The following SVIL variants were observed in gnomAD, a reference collection of about 807,000 sequenced individuals.
The protein encoded by SVIL is archvillin.
Under a neutral mutation model 240.4 loss-of-function variants are expected in SVIL, and 101 were observed. The observed-to-expected ratio is 0.42, with a 90% CI of 0.36 to 0.50. The LOEUF is 0.50. Among genes scored for constraint, SVIL ranks in the 20% least tolerant of loss-of-function variants. The pLI, the probability that SVIL is intolerant of heterozygous loss-of-function variation, is 0.01. For missense variants in SVIL, 2,512 were observed against 2,818.7 expected, an observed-to-expected ratio of 0.89 and a Z score of 2.46; for synonymous variants, 999 against 1,100.0, an observed-to-expected ratio of 0.91 and a Z score of 1.82.
intron 17 of SVIL, among the ~76,000 whole-genome samples, chr10:29,502,452 T>A (rs937952714): frequency 1.3e-5 from 2 of 152,172 alleles, no homozygotes; most frequent in African/African-American, 4.8e-5. Context: ...TAGAGAAGGA[T>A]GTTATATATA....
intron 1 of SVIL, among the ~76,000 whole-genome samples, chr10:29,607,184 A>T (rs562215045): frequency 2.6e-5 from 4 of 152,334 alleles, no homozygotes; most frequent in Non-Finnish European, 5.9e-5. Flanking sequence ...TTCTTCGTTG[A>T]CTTTAAATGA....
rs1421136154 is a variant in SVIL at position 29,546,751 on chromosome 10, A to G, written c.827+3846T>C. Among the ~76,000 whole-genome samples, 4 of 152,190 alleles carry G rather than the reference A, an allele frequency of 2.6e-5. 1 individual carries two copies. Among genetic ancestry groups the G allele is most frequent in the Non-Finnish European group, 5.9e-5 (4 of 68,012 alleles). ...TTTTGATGGTATATTCATGAGTGTC[A>G]TCGTATTCGTATTTAAATAATAAGA... On this transcript the variant is annotated intron_variant, in intron 6 of 37. Transcript: ENST00000355867.
chr10:29,554,581 A>G (rs952390513), intron 5 of SVIL, among the ~76,000 whole-genome samples: 4 of 152,162 alleles, frequency 2.6e-5, no homozygotes, highest in Admixed American at 2.0e-4. Flanking sequence ...GCTTGAGCCC[A>G]GGAGTTAAGG....
intron 30 of SVIL, among the ~76,000 whole-genome samples, chr10:29,471,983 C>T (rs1413853049): frequency 6.6e-6 from 1 of 152,102 alleles, no homozygotes; most frequent in Non-Finnish European, 1.5e-5. Context: ...GTGGTGCATG[C>T]CTGAAGTCCC....
chr10:29,601,226 C>T (rs1486538920), intron 1 of SVIL, among the ~76,000 whole-genome samples: 1 of 152,132 alleles, frequency 6.6e-6, no homozygotes, highest in East Asian at 1.9e-4. Context: ...TTTATTTATT[C>T]ACTTTGCTTT....
intron 1 of SVIL, among the ~76,000 whole-genome samples, chr10:29,618,528 T>C (rs1957510463): frequency 6.6e-6 from 1 of 152,150 alleles, no homozygotes. Context: ...CCACCATGCC[T>C]GGCCCAGCCT....
rs11007699 is a variant in SVIL, at chr10:29,692,265, G to A, written c.-399-5614C>T. On this transcript the variant is annotated intron_variant, in intron 1 of 35. Transcript: ENST00000375400. The stretch of plus-strand genomic sequence containing the variant: ...AGACTCACTAACAACCATATGAGAC[G>A]ATGTGATTTTCATGACAAAGCCGAT... 7.4e-3 allele frequency among the ~76,000 whole-genome samples: 1,132 copies of A among 152,234 alleles called. 11 individuals are homozygous for A. Among genetic ancestry groups the A allele is most frequent in the African/African-American group, 0.026 (1,073 of 41,534 alleles).
At chr10:29,697,538 A>G (rs1962183762) in intron 1 of SVIL, among the ~76,000 whole-genome samples, 1 of 96,130 alleles carries the variant, frequency 1.0e-5, no homozygotes, top group Non-Finnish European at 2.0e-5. Flanking sequence ...TGCTCTCTGA[A>G]ATATGTGCTG....
rs1379545130 is a variant in SVIL at position 29,551,131 on chromosome 10, A to G, written c.293T>C (p.Leu98Pro). Residue 98 changes from leucine (L) to proline (P), a missense_variant, in exon 6 of 38, where the codon CTG becomes CCG. Leu to Pro is a moderately conservative substitution (Grantham distance 98). Coordinates refer to ENST00000355867, the MANE Select transcript of SVIL (RefSeq NM_021738.3). Reference sequence around the variant, plus strand: ...TGCAATTCTTTCGGCTTTGGACTCCAGACTGTGGGTGTCCATGGTACCCGA... The same window carrying G: ...TGCAATTCTTTCGGCTTTGGACTCCGGACTGTGGGTGTCCATGGTACCCGA... ...YGSGTMDTHS[L>P]ESKAERIARY... 1.2e-6 allele frequency: 2 copies of G among 1,614,032 alleles called. No individual in the cohort carries two copies. The highest frequency in any genetic ancestry group is 3.3e-5 in the Admixed American group (2 of 60,012).
At chr10:29,679,915 G>A (rs2132583308) in intron 2 of SVIL, among the ~76,000 whole-genome samples, 1 of 152,066 alleles carries the variant, frequency 6.6e-6, no homozygotes, top group Non-Finnish European at 1.5e-5. Context: ...AGGCTCAGTG[G>A]CTCACACCTG....
chr10:29,686,312 A>T (rs1055839195), intron 2 of SVIL, among the ~76,000 whole-genome samples: 2 of 152,242 alleles, frequency 1.3e-5, no homozygotes, highest in African/African-American at 4.8e-5. Context: ...GGTCTAAGGA[A>T]AGGAGTCAAC....
intron 1 of SVIL, among the ~76,000 whole-genome samples, chr10:29,716,990 G>A (rs938142967): frequency 3.9e-5 from 6 of 152,160 alleles, no homozygotes; most frequent in Non-Finnish European, 1.5e-5. Flanking sequence ...CAGCACTTTG[G>A]GAGGCCAAGG....
chr10:29,473,640 C>T (rs1945840401), intron 30 of SVIL, 198 bp downstream of exon 30: 1 of 645,266 alleles, frequency 1.5e-6, no homozygotes, highest in South Asian at 2.1e-5. Context: ...CCAGGATCAT[C>T]TTACAAAAAG....
intron 16 of SVIL, among the ~76,000 whole-genome samples, chr10:29,518,618 G>T (rs1333303030): frequency 1.3e-5 from 2 of 152,220 alleles, no homozygotes; most frequent in South Asian, 2.1e-4. Flanking sequence ...CACTTTGGGA[G>T]GCTGAGGCAG....
chr10:29,499,259 A>G lies in SVIL; in HGVS notation c.3521T>C (p.Val1174Ala). The change falls in exon 18 of 38, where the codon GTC becomes GCC. Residue 1174 changes from valine to alanine, a missense_variant. Physicochemically the swap from Val to Ala is moderately conservative, Grantham distance 64. Transcript: ENST00000355867. ...EAGRSLIKKR[V>A]TESRESQMTI... is the part of the protein sequence containing the mutation. ...CATTTGGCTCTCTCGACTTTCTGTG[A>G]CCCGCTGTTCATAAATGTACAGAAG... 6.2e-7 allele frequency: 1 copy of G among 1,614,158 alleles called. No individual in the cohort carries two copies. The highest frequency in any genetic ancestry group is 1.1e-5 in the South Asian group (1 of 91,080).
At position 29,550,559 on chromosome 10, in the gene SVIL, C is replaced by T. The variant is rs1426191110; in HGVS notation, c.827+38G>A. On this transcript the variant is annotated intron_variant, in intron 6 of 37. Coordinates refer to ENST00000355867, the MANE Select transcript of SVIL (RefSeq NM_021738.3). The stretch of plus-strand genomic sequence containing the variant: ...CAGAGAGGCAAAAAGAAGGTATTGT[C>T]CTGCGTTCAGGGTGCTTAGCGTGGA... The T allele has an allele frequency of 2.6e-6, 4 of 1,533,996 alleles. No homozygotes were observed. In the African/African-American group the frequency reaches 5.5e-5, roughly 21 times the overall value.
intron 1 of SVIL, among the ~76,000 whole-genome samples, chr10:29,704,815 T>C (rs1362973196): frequency 2.0e-5 from 3 of 152,024 alleles, no homozygotes; most frequent in Admixed American, 1.3e-4. Flanking sequence ...CCCTACCTAA[T>C]CTCCCAAACC....
Position 29,714,195 on chromosome 10 carries a change from C to T in SVIL, c.-400+21556G>A, listed in dbSNP as rs574993707. ...GGGTTGTTGCTGCCATTTCAGAGGG[C>T]CATTCCTTCATTTAGATGGCCCCAT... On this transcript the variant is annotated intron_variant, in intron 1 of 35. Coordinates refer to the SVIL transcript ENST00000375400. Among the ~76,000 whole-genome samples, 4 of 152,294 alleles carry T rather than the reference C, an allele frequency of 2.6e-5. No individual in the cohort carries two copies. In the East Asian group the frequency reaches 7.7e-4, roughly 29 times the overall value.
At chr10:29,574,659 TGACTCTCCCCAG>T (rs1180892390) in intron 1 of SVIL, among the ~76,000 whole-genome samples, 3 of 152,300 alleles carry the variant, frequency 2.0e-5, no homozygotes, top group East Asian at 3.9e-4. Context: ...CCACATGCTC[TGACTCTCCCCAG>T]GACAACTCCC....
Sources: gnomAD v4.1 joint callset for allele counts (sites outside exome capture counted in the v4.1 genomes callset) on GRCh38, gnomAD v4.1.1 for gene constraint, MANE v1.5 for transcripts, NCBI Gene and HGNC (gene_info 2026-07-23, HGNC 2026-07-21) for gene names.